Variants in SLC13A5 observed in about 807,000 individuals in gnomAD.
SLC13A5 encodes Na(+)/citrate cotransporter.
Under a neutral mutation model 56.5 loss-of-function variants are expected in SLC13A5, and 25 were observed. That is an observed-to-expected ratio of 0.44 (90% CI 0.32 to 0.62). SLC13A5 has a LOEUF of 0.62. SLC13A5 is among the 20% of genes least tolerant of loss of function. SLC13A5 has a pLI of 0.04. For missense variants in SLC13A5, 649 were observed against 737.8 expected, an observed-to-expected ratio of 0.88 and a Z score of 1.39; for synonymous variants, 307 against 301.5, an observed-to-expected ratio of 1.02 and a Z score of -0.19.
chr17:6,692,823 C>T lies in SLC13A5; in HGVS notation c.1275+221G>A. ...TTGGCTAACCACGGTCACTCATTCA[C>T]TCATTCCTGCAATCGCTCAAAGGTT... is the stretch of plus-strand genomic sequence containing the variant. On this transcript the variant is annotated intron_variant, in intron 9 of 11. Coordinates refer to ENST00000433363, the MANE Select transcript of SLC13A5 (RefSeq NM_177550.5). The surrounding 1 kb of genome is among the most constrained non-coding windows in gnomAD (Gnocchi z 5.5). The T allele has an allele frequency of 3.5e-6, 2 of 566,990 alleles. No homozygotes were observed. The highest frequency in any genetic ancestry group is 6.3e-6 in the Non-Finnish European group (2 of 317,386). The allele number at this position is 566,990 out of a possible 1,614,324, so 35.1% of individuals were successfully genotyped here.
chr17:6,712,468 A>G (rs1396895138), intron 1 of SLC13A5, among the ~76,000 whole-genome samples: 1 of 152,230 alleles, frequency 6.6e-6, no homozygotes, highest in Non-Finnish European at 1.5e-5. Flanking sequence ...CAGAAGCATT[A>G]GGAGACTAGG....
At chr17:6,689,996 A>ATC (rs1973353502) in intron 10 of SLC13A5, 1 of 140,408 alleles carries the variant, frequency 7.1e-6, no homozygotes, top group South Asian at 2.4e-4. Context: ...TGACTGCGAG[A>ATC]CCAGGGATCT....
chr17:6,691,050 C>T, intron 9 of SLC13A5, 110 bp from the exon 10 acceptor site: 1 of 1,164,338 alleles, frequency 8.6e-7, no homozygotes, highest in Non-Finnish European at 1.2e-6. Flanking sequence ...CTCTACACCT[C>T]ATAGGTGACC....
intron 6 of SLC13A5, among the ~76,000 whole-genome samples, chr17:6,697,108 A>T (rs1973582949): frequency 2.0e-5 from 3 of 152,026 alleles, no homozygotes; most frequent in Admixed American, 1.3e-4. Context: ...CGCTAGGGAC[A>T]CTCTCTAGAC....
At chr17:6,704,243 C>T in intron 3 of SLC13A5, 187 bp from the exon 4 acceptor site, 2 of 715,194 alleles carry the variant, frequency 2.8e-6, no homozygotes, top group Middle Eastern at 2.3e-4. Context: ...CCCTTCTTTG[C>T]TTCCTCCATT....
At chr17:6,699,946 T>G (rs1282854002) in intron 6 of SLC13A5, among the ~76,000 whole-genome samples, 1 of 152,174 alleles carries the variant, frequency 6.6e-6, no homozygotes, top group Non-Finnish European at 1.5e-5. Context: ...AAACAGTTCC[T>G]CCTTCAGAAG....
chr17:6,699,257 C>T (rs1325968052), intron 6 of SLC13A5, among the ~76,000 whole-genome samples: 1 of 151,964 alleles, frequency 6.6e-6, no homozygotes, highest in African/African-American at 2.4e-5. Flanking sequence ...ACCTGTTCGA[C>T]GGATGTGAAC....
intron 1 of SLC13A5, among the ~76,000 whole-genome samples, chr17:6,712,910 CGGAGCCA>C (rs1477834335): frequency 6.6e-6 from 1 of 152,176 alleles, no homozygotes; most frequent in Non-Finnish European, 1.5e-5. Context: ...AGATTCGATT[CGGAGCCA>C]GGGGCTGAGC....
intron 3 of SLC13A5, chr17:6,704,433 GC>G: frequency 2.7e-6 from 1 of 371,338 alleles, no homozygotes. Flanking sequence ...CCTAGGGTGT[GC>G]TGGAATACCC....
Position 6,687,416 on chromosome 17 carries a change from G to T in SLC13A5, c.1575+113C>A. 1 of 1,431,290 alleles carries T rather than the reference G, an allele frequency of 7.0e-7. No individual in the cohort carries two copies. The highest frequency in any genetic ancestry group is 9.7e-7 in the Non-Finnish European group (1 of 1,032,538). The allele number at this position is 1,431,290 out of a possible 1,614,324, so 88.7% of individuals were successfully genotyped here. A position where few individuals can be genotyped will look rare whatever the true frequency, so the allele number is the denominator to read the frequency against. Reference sequence around the variant, plus strand: ...ATGGCTACAGGTCTGGATGTTCCGTGGCATTCCCAAGTCACATGACATCGT... The same window carrying T: ...ATGGCTACAGGTCTGGATGTTCCGTTGCATTCCCAAGTCACATGACATCGT... On this transcript the variant is annotated intron_variant, in intron 11 of 11. Coordinates refer to ENST00000433363, the MANE Select transcript of SLC13A5 (RefSeq NM_177550.5). This position sits in a 1 kb window ranked among gnomAD's most constrained non-coding sequence, Gnocchi z 5.0.
chr17:6,687,224 C>A lies in SLC13A5; in HGVS notation c.1575+305G>T, dbSNP rs1973273317. The A allele has an allele frequency of 3.0e-6, 1 of 333,332 alleles. No individual in the cohort carries two copies. 20.6% of individuals were successfully genotyped at this position (333,332 alleles called of 1,614,324 possible). A position where few individuals can be genotyped will look rare whatever the true frequency, so the allele number is the denominator to read the frequency against. On this transcript the variant is annotated intron_variant, in intron 11 of 11. Transcript: ENST00000433363. The surrounding 1 kb of genome is among the most constrained non-coding windows in gnomAD (Gnocchi z 5.0). ...GCTAATTTGTCAAGTTCATCCTTGG[C>A]CATATGAGTCCCTCAGCCCCACCTT...
chr17:6,696,187 G>A (rs1973556541), intron 6 of SLC13A5, among the ~76,000 whole-genome samples: 1 of 152,174 alleles, frequency 6.6e-6, no homozygotes. Context: ...CAGACACCTG[G>A]AGACTGGCTG....
intron 8 of SLC13A5, 28 bp downstream of exon 8, chr17:6,694,069 G>A (rs759495166): frequency 6.5e-6 from 10 of 1,527,310 alleles, no homozygotes; most frequent in Non-Finnish European, 9.0e-6. Context: ...CAGTCCTGAT[G>A]ACTGGGCGAT....
At chr17:6,708,941 G>C (rs1297350854) in intron 1 of SLC13A5, among the ~76,000 whole-genome samples, 2 of 151,942 alleles carry the variant, frequency 1.3e-5, no homozygotes, top group Admixed American at 6.6e-5. Flanking sequence ...CACACAGACA[G>C]TGGCCCCAGC....
At chr17:6,712,827 G>T (rs1974075923) in intron 1 of SLC13A5, among the ~76,000 whole-genome samples, 1 of 152,212 alleles carries the variant, frequency 6.6e-6, no homozygotes, top group African/African-American at 2.4e-5. Flanking sequence ...AGAGAGAGAG[G>T]GAAAGGCAAG....
In SLC13A5 at chr17:6,703,935, C is replaced by A; in HGVS notation, c.490G>T (p.Ala164Ser). The change falls in exon 4 of 12, where the codon GCA becomes TCA. Residue 164 changes from alanine (A) to serine (S), a missense_variant. Coordinates refer to ENST00000433363, the MANE Select transcript of SLC13A5 (RefSeq NM_177550.5). The stretch of plus-strand genomic sequence containing the variant: ...AGCTCCAGGCCGGCCTCGGTGGCTG[C>A]GCTTGTGGCTTCCATCTGCTGCAAT... ...AILQQMEATS[A>S]ATEAGLELVD... The A allele has an allele frequency of 6.2e-7, 1 of 1,604,628 alleles. No homozygotes were observed. The highest frequency in any genetic ancestry group is 1.1e-5 in the South Asian group (1 of 90,092).
Position 6,692,107 on chromosome 17 carries a change from GGATGGATGGATGGATA to G in SLC13A5, c.1275+921_1275+936del, listed in dbSNP as rs1349366394. Among the ~76,000 whole-genome samples the G allele has an allele frequency of 6.8e-6, 1 of 147,250 alleles. No homozygotes were observed. Among genetic ancestry groups the G allele is most frequent in the Non-Finnish European group, 1.5e-5 (1 of 67,274 alleles). On this transcript the variant is annotated intron_variant, in intron 9 of 11. Transcript: ENST00000433363. This position sits in a 1 kb window ranked among gnomAD's most constrained non-coding sequence, Gnocchi z 5.5. ...ACACTAGGGACATAATAGGAATGTT[GGATGGATGGATGGATA>G]GATGGATGGATGGATGGATGGATGG... is the stretch of plus-strand genomic sequence containing the variant.
In SLC13A5 at chr17:6,695,762, C is replaced by A; in HGVS notation, c.1019G>T (p.Gly340Val). The A allele has an allele frequency of 6.2e-7, 1 of 1,614,154 alleles. No homozygotes were observed. Among genetic ancestry groups the A allele is most frequent in the South Asian group, 1.1e-5 (1 of 91,082 alleles). The stretch of plus-strand genomic sequence containing the variant: ...CTCCACCCAGGCAACAGTCAGCCAG[C>A]CGGGCATGAAGCCGGGGTCTCGGGA... ...WFSRDPGFMP[G>V]WLTVAWVEGE... is the part of the protein sequence containing the mutation. Residue 340 changes from glycine (G) to valine (V), a missense_variant, in exon 7 of 12, where the codon GGC becomes GTC. Physicochemically the swap from Gly to Val is moderately radical, Grantham distance 109. Coordinates refer to ENST00000433363, the MANE Select transcript of SLC13A5 (RefSeq NM_177550.5).
rs370510676 is a variant in SLC13A5 at position 6,694,237 on chromosome 17, G to A, written c.1056-40C>T. 3.1e-5 allele frequency: 39 copies of A among 1,253,086 alleles called. No individual in the cohort carries two copies. The African/African-American group carries it at 3.6e-4, about 11-fold the overall frequency. 77.6% of individuals were successfully genotyped at this position (1,253,086 alleles called of 1,614,324 possible). A position where few individuals can be genotyped will look rare whatever the true frequency, so the allele number is the denominator to read the frequency against. On this transcript the variant is annotated intron_variant, in intron 7 of 11. Coordinates refer to ENST00000433363, the MANE Select transcript of SLC13A5 (RefSeq NM_177550.5). ...GCACAGCTCATCTGCGACAGAGACAGTCACTCAACAAACCCATCACAACTC... is the reference window on the plus strand; with the variant it reads ...GCACAGCTCATCTGCGACAGAGACAATCACTCAACAAACCCATCACAACTC...
Sources: gnomAD v4.1 joint callset for allele counts (sites outside exome capture counted in the v4.1 genomes callset) on GRCh38, gnomAD v4.1.1 for gene constraint, Gnocchi (gnomAD v3.1) non-coding constraint, MANE v1.5 for transcripts, NCBI Gene and HGNC (gene_info 2026-07-23, HGNC 2026-07-21) for gene names.